The following PDE4D variants were observed in gnomAD, a reference collection of about 807,000 sequenced individuals.
PDE4D encodes the protein 3',5'-cyclic-AMP phosphodiesterase 4D.
Under a neutral mutation model 87.4 loss-of-function variants are expected in PDE4D, and 24 were observed. The ratio of observed to expected loss-of-function variants is 0.27; its 90% CI spans 0.20 to 0.39. The LOEUF is 0.39. PDE4D is among the 10% of genes least tolerant of loss of function. PDE4D has a pLI of 1.00. For synonymous variants in PDE4D, 384 were observed against 383.2 expected (o/e 1.00, Z -0.02); for missense variants, 714 against 1,041.0 (o/e 0.69, Z 4.32).
At chr5:60,227,697 A>G (rs967323941) in intron 1 of PDE4D, among the ~76,000 whole-genome samples, 1 of 152,004 alleles carries the variant, frequency 6.6e-6, no homozygotes, top group Non-Finnish European at 1.5e-5. Context: ...AAACCTCCTA[A>G]TTAGTCTTTG....
intron 2 of PDE4D, among the ~76,000 whole-genome samples, chr5:60,031,720 G>A (rs972821621): frequency 1.3e-5 from 2 of 151,786 alleles, no homozygotes; most frequent in Non-Finnish European, 2.9e-5. Flanking sequence ...TTTAACTGCT[G>A]GAATAGCTAT....
chr5:60,412,674 A>G (rs1742140567), intron 1 of PDE4D, among the ~76,000 whole-genome samples: 2 of 152,198 alleles, frequency 1.3e-5, no homozygotes, highest in Non-Finnish European at 1.5e-5. Context: ...TATGTTTCCA[A>G]TGATGACTAT....
At chr5:59,254,486 T>C (rs1014979889) in intron 1 of PDE4D, among the ~76,000 whole-genome samples, 13 of 151,972 alleles carry the variant, frequency 8.6e-5, no homozygotes, top group African/African-American at 2.9e-4. Flanking sequence ...GCAGAGCAGA[T>C]GGCAAGAAGA....
intron 1 of PDE4D, among the ~76,000 whole-genome samples, chr5:59,650,600 A>G (rs1277299602): frequency 1.3e-5 from 2 of 152,242 alleles, no homozygotes; most frequent in Non-Finnish European, 2.9e-5. Flanking sequence ...AGTGTGATTT[A>G]AGTGACACTT....
At chr5:59,154,879 A>T (rs931480049) in intron 5 of PDE4D, among the ~76,000 whole-genome samples, 4 of 152,080 alleles carry the variant, frequency 2.6e-5, no homozygotes, top group Non-Finnish European at 5.9e-5. Flanking sequence ...GAGTGAGACA[A>T]CTCTGTTTCA....
At chr5:60,246,033 TA>T (rs1562254597) in intron 1 of PDE4D, among the ~76,000 whole-genome samples, 1 of 5,758 alleles carries the variant, frequency 1.7e-4, no homozygotes, top group Non-Finnish European at 2.9e-4. Flanking sequence ...CCCATGCCTG[TA>T]CAAAATATCT....
chr5:59,077,508 C>T (rs548442700), intron 5 of PDE4D, among the ~76,000 whole-genome samples: 18 of 138,034 alleles, frequency 1.3e-4, no homozygotes, highest in African/African-American at 4.6e-4. Context: ...GAGTCTCACT[C>T]TGTTGCCCAG....
In PDE4D at chr5:59,275,310, G is replaced by T. The variant is rs771376683; in HGVS notation, c.456-59342C>A. Reference sequence around the variant, plus strand: ...TACGTCAATCTTAAAAGAGAAAAGGGGAAAAGCATGAGAGAAAAGAACGTT... The same window carrying T: ...TACGTCAATCTTAAAAGAGAAAAGGTGAAAAGCATGAGAGAAAAGAACGTT... On this transcript the variant is annotated intron_variant, in intron 1 of 14. Coordinates refer to ENST00000340635, the MANE Select transcript of PDE4D (RefSeq NM_001104631.2). 7.7e-6 allele frequency: 12 copies of T among 1,563,226 alleles called. No homozygotes were observed. The South Asian group carries it at 1.3e-4, about 18-fold the overall frequency.
chr5:60,228,652 C>A (rs1326767790), intron 1 of PDE4D, among the ~76,000 whole-genome samples: 2 of 151,808 alleles, frequency 1.3e-5, no homozygotes, highest in African/African-American at 4.8e-5. Context: ...TTAAGAAGGC[C>A]TGGAAATTTT....
At chr5:59,163,929 T>C (rs1426184847) in intron 5 of PDE4D, among the ~76,000 whole-genome samples, 5 of 152,382 alleles carry the variant, frequency 3.3e-5, no homozygotes, top group East Asian at 1.9e-4. Flanking sequence ...CTGAGCTTTT[T>C]GTGGCTGTCC....
chr5:59,367,022 T>C (rs1392381603), intron 1 of PDE4D, among the ~76,000 whole-genome samples: 1 of 152,206 alleles, frequency 6.6e-6, no homozygotes, highest in Admixed American at 6.5e-5. Flanking sequence ...AAGGAGCAAG[T>C]ACTGCAGAAT....
chr5:59,780,256 C>T (rs1156390680), intron 1 of PDE4D, among the ~76,000 whole-genome samples: 1 of 152,276 alleles, frequency 6.6e-6, no homozygotes, highest in African/African-American at 2.4e-5. Context: ...ATCCTAGCTA[C>T]TCAGGAGGCT....
chr5:59,880,962 A>C (rs983048402), intron 1 of PDE4D, among the ~76,000 whole-genome samples: 1 of 152,188 alleles, frequency 6.6e-6, no homozygotes, highest in Non-Finnish European at 1.5e-5. Context: ...ACTATCTAAC[A>C]GCTTCCACAT....
chr5:59,371,714 A>G (rs1783968249), intron 1 of PDE4D, among the ~76,000 whole-genome samples: 1 of 152,206 alleles, frequency 6.6e-6, no homozygotes, highest in Non-Finnish European at 1.5e-5. Flanking sequence ...TATTAGAAAA[A>G]GATAAGTTTC....
At chr5:60,423,457 T>C (rs962197219) in intron 1 of PDE4D, among the ~76,000 whole-genome samples, 1 of 152,030 alleles carries the variant, frequency 6.6e-6, no homozygotes, top group Non-Finnish European at 1.5e-5. Flanking sequence ...GGGTACATAA[T>C]GAAATGAAGG....
At chr5:58,994,428 T>A (rs1028393318) in intron 6 of PDE4D, among the ~76,000 whole-genome samples, 1 of 152,072 alleles carries the variant, frequency 6.6e-6, no homozygotes, top group Non-Finnish European at 1.5e-5. Flanking sequence ...TTAATAAGCC[T>A]TTAATATTTG....
chr5:59,083,133 A>T (rs1029155121), intron 5 of PDE4D, among the ~76,000 whole-genome samples: 1 of 152,100 alleles, frequency 6.6e-6, no homozygotes, highest in African/African-American at 2.4e-5. Flanking sequence ...TGATAGTTTG[A>T]CTATCAATTT....
intron 2 of PDE4D, among the ~76,000 whole-genome samples, chr5:60,042,427 C>T (rs1848499): frequency 0.47 from 72,244 of 152,150 alleles, 17,983 homozygotes; most frequent in Admixed American, 0.55. Flanking sequence ...GATCTCCCAG[C>T]GCAGTGCTTG....
chr5:59,925,641 A>C (rs1384288445), intron 3 of PDE4D, among the ~76,000 whole-genome samples: 32 of 152,186 alleles, frequency 2.1e-4, no homozygotes, highest in Admixed American at 1.9e-3. Flanking sequence ...TGATAAAGAC[A>C]CACATGTACT....
Sources: allele counts gnomAD v4.1 joint callset (sites outside exome capture counted in the v4.1 genomes callset), GRCh38; gene constraint gnomAD v4.1.1; transcripts MANE v1.5; gene names NCBI Gene and HGNC (gene_info 2026-07-23, HGNC 2026-07-21).